Variants in CEP128 observed in about 807,000 individuals in gnomAD.
The protein encoded by CEP128 is centrosomal protein 128kDa.
Under a neutral mutation model 156.7 loss-of-function variants are expected in CEP128, and 132 were observed. The observed-to-expected ratio is 0.84, with a 90% CI of 0.73 to 0.97. The LOEUF (loss-of-function observed/expected upper bound fraction) is 0.97, where lower values mean the gene tolerates loss of function less well. Ranked by LOEUF, CEP128 falls within the 50% of genes least tolerant of loss-of-function variation. CEP128 has a pLI of 0.00. For missense variants in CEP128, 1,252 were observed against 1,281.9 expected, an observed-to-expected ratio of 0.98 and a Z score of 0.36; for synonymous variants, 469 against 448.9, an observed-to-expected ratio of 1.04 and a Z score of -0.57.
chr14:80,906,196 AG>A (rs1315458356), intron 4 of CEP128, 115 bp from the exon 5 acceptor site: 16 of 738,404 alleles, frequency 2.2e-5, no homozygotes, highest in East Asian at 6.5e-5. Context: ...CCCCAAAAAA[AG>A]GTATCAGAAA....
intron 24 of CEP128, among the ~76,000 whole-genome samples, chr14:80,497,862 T>C (rs4899772): frequency 0.81 from 122,888 of 152,026 alleles, 51,167 homozygotes; most frequent in Middle Eastern, 0.91. Context: ...ACCACACCGG[T>C]GTGCACGTGC....
intron 19 of CEP128, among the ~76,000 whole-genome samples, chr14:80,671,609 T>G (rs1485253927): frequency 1.3e-5 from 2 of 152,086 alleles, no homozygotes; most frequent in East Asian, 3.9e-4. Context: ...GGACAAGCCA[T>G]GGGGAATGAA....
At chr14:80,669,621 C>G (rs1451628183) in intron 19 of CEP128, among the ~76,000 whole-genome samples, 1 of 152,184 alleles carries the variant, frequency 6.6e-6, no homozygotes, top group Non-Finnish European at 1.5e-5. Flanking sequence ...AACATACCAT[C>G]TTACAGTAGT....
chr14:80,801,977 C>T (rs1419160872), intron 13 of CEP128, among the ~76,000 whole-genome samples: 1 of 126,484 alleles, frequency 7.9e-6, no homozygotes, highest in South Asian at 2.6e-4. Context: ...CAAATCAAAA[C>T]CACAATGAGA....
intron 19 of CEP128, among the ~76,000 whole-genome samples, chr14:80,598,615 G>C (rs548817527): frequency 6.6e-6 from 1 of 151,950 alleles, no homozygotes; most frequent in Admixed American, 6.6e-5. Flanking sequence ...CTAACAACAA[G>C]ATTATTCTTA....
At chr14:80,853,032 C>A (rs542130768) in intron 9 of CEP128, among the ~76,000 whole-genome samples, 1 of 151,582 alleles carries the variant, frequency 6.6e-6, no homozygotes, top group South Asian at 2.1e-4. Context: ...ATTTAAATAC[C>A]CAAAGTTAAG....
chr14:80,766,347 A>G (rs1047033172), intron 16 of CEP128, among the ~76,000 whole-genome samples: 1 of 152,214 alleles, frequency 6.6e-6, no homozygotes, highest in Non-Finnish European at 1.5e-5. Flanking sequence ...ACACACACAC[A>G]TTCTGTTAAC....
rs751036622 is a variant in CEP128 at position 80,560,780 on chromosome 14, C to T, written c.2857-1478G>A. 3.9e-5 allele frequency among the ~76,000 whole-genome samples: 6 copies of T among 152,270 alleles called. No individual in the cohort carries two copies. The East Asian group carries it at 5.8e-4, about 15-fold the overall frequency. On this transcript the variant is annotated intron_variant, in intron 20 of 24. Transcript: ENST00000555265. The stretch of plus-strand genomic sequence containing the variant: ...ATGCTTCCTGCCGTTGAACACTGTA[C>T]GCCACGTTCTTCAGTTTTGGGGCTT...
At chr14:80,843,460 G>A (rs1886440524) in intron 9 of CEP128, among the ~76,000 whole-genome samples, 1 of 152,010 alleles carries the variant, frequency 6.6e-6, no homozygotes. Flanking sequence ...AAACAAGTCT[G>A]TGCTCATATT....
intron 19 of CEP128, among the ~76,000 whole-genome samples, chr14:80,672,064 G>A (rs1895864924): frequency 6.6e-6 from 1 of 152,040 alleles, no homozygotes; most frequent in South Asian, 2.1e-4. Context: ...CTTGAAGACT[G>A]GGGCCTGCCA....
At chr14:80,916,784 T>C (rs565061928) in intron 2 of CEP128, among the ~76,000 whole-genome samples, 4 of 152,338 alleles carry the variant, frequency 2.6e-5, no homozygotes, top group East Asian at 1.9e-4. Context: ...TCCTCAGATA[T>C]GATTTTGGTC....
At chr14:80,602,698 G>A (rs752125938) in intron 19 of CEP128, among the ~76,000 whole-genome samples, 2 of 152,120 alleles carry the variant, frequency 1.3e-5, no homozygotes, top group Non-Finnish European at 2.9e-5. Flanking sequence ...GCTTGAACCG[G>A]GAGGCAGAGG....
intron 16 of CEP128, among the ~76,000 whole-genome samples, chr14:80,771,335 T>C (rs554079380): frequency 1.2e-4 from 18 of 152,354 alleles, no homozygotes; most frequent in African/African-American, 4.1e-4. Flanking sequence ...TTATATCCTG[T>C]TTCTACCATG....
intron 19 of CEP128, among the ~76,000 whole-genome samples, chr14:80,581,020 C>A (rs997981753): frequency 1.3e-5 from 2 of 152,104 alleles, no homozygotes; most frequent in East Asian, 3.9e-4. Context: ...GAGTTTGGCA[C>A]CATCCCAGAG....
chr14:80,595,417 C>A (rs967035908), intron 19 of CEP128, among the ~76,000 whole-genome samples: 1 of 151,948 alleles, frequency 6.6e-6, no homozygotes, highest in South Asian at 2.1e-4. Context: ...CACCTGTATA[C>A]CTATATAACA....
rs746980596 is a variant in CEP128, at chr14:80,916,382, C to G, written c.147+19G>C. The stretch of plus-strand genomic sequence containing the variant: ...CAAACTATTTAAATTCTATTAAATG[C>G]AACCATTGTTAAACTAACCTGTAAA... On this transcript the variant is annotated intron_variant, in intron 3 of 24. Coordinates refer to ENST00000555265, the MANE Select transcript of CEP128 (RefSeq NM_152446.5). 42 of 1,597,322 alleles carry G rather than the reference C, an allele frequency of 2.6e-5. No homozygotes were observed. Among genetic ancestry groups the G allele is most frequent in the Non-Finnish European group, 3.5e-5 (41 of 1,168,836 alleles).
chr14:80,694,856 C>T lies in CEP128; in HGVS notation c.2806+48219G>A, dbSNP rs376829368. On this transcript the variant is annotated intron_variant, in intron 19 of 24. Transcript: ENST00000555265. ...AGGTACAGCAAACCATCATGGCACA[C>T]GTATACCTATGTAACAAACCTGCAG... 7.9e-5 allele frequency among the ~76,000 whole-genome samples: 12 copies of T among 150,988 alleles called. No individual in the cohort carries two copies. In the East Asian group the frequency reaches 1.4e-3, roughly 17 times the overall value.
chr14:80,606,311 T>G (rs1892776763), intron 19 of CEP128, among the ~76,000 whole-genome samples: 1 of 152,172 alleles, frequency 6.6e-6, no homozygotes, highest in Non-Finnish European at 1.5e-5. Flanking sequence ...GTATTTTGCC[T>G]TTTTTGCTTC....
At chr14:80,596,854 G>GGA (rs71103865) in intron 19 of CEP128, among the ~76,000 whole-genome samples, 1 of 119,478 alleles carries the variant, frequency 8.4e-6, no homozygotes, top group Non-Finnish European at 1.6e-5. Context: ...GTGGGGGGGG[G>GGA]AGGAAAAGAA....
Sources: allele counts gnomAD v4.1 joint callset (sites outside exome capture counted in the v4.1 genomes callset), GRCh38; gene constraint gnomAD v4.1.1; transcripts MANE v1.5; gene names NCBI Gene and HGNC (gene_info 2026-07-23, HGNC 2026-07-21).